The following TBC1D23 variants were observed in gnomAD, a reference collection of about 807,000 sequenced individuals.
TBC1D23 encodes the protein HCV non-structural protein 4A-transactivated protein 1.
TBC1D23 carries 55 observed loss-of-function variants against 91.4 expected under a neutral mutation model. The observed-to-expected ratio is 0.60, with a 90% CI of 0.48 to 0.75. The LOEUF (loss-of-function observed/expected upper bound fraction) is 0.75, where lower values mean the gene tolerates loss of function less well. Among genes scored for constraint, TBC1D23 ranks in the 30% least tolerant of loss-of-function variants. The probability of loss-of-function intolerance (pLI) is 0.00; values close to 1 mark genes in which losing one functional copy is unlikely to be tolerated. For synonymous variants in TBC1D23, 289 were observed against 281.0 expected, an observed-to-expected ratio of 1.03 and a Z score of -0.28; for missense variants, 725 against 836.1, an observed-to-expected ratio of 0.87 and a Z score of 1.64.
chr3:100,316,431 T>C (rs1353699898), intron 16 of TBC1D23, among the ~76,000 whole-genome samples: 1 of 151,990 alleles, frequency 6.6e-6, no homozygotes, highest in Non-Finnish European at 1.5e-5. Flanking sequence ...GTTGTGCGCA[T>C]GTACCCTAAA....
intron 11 of TBC1D23, among the ~76,000 whole-genome samples, 190 bp downstream of exon 11, chr3:100,302,427 T>C (rs1386236790): frequency 6.6e-6 from 1 of 152,182 alleles, no homozygotes; most frequent in Non-Finnish European, 1.5e-5. Flanking sequence ...CATCTGGCAT[T>C]TATTTTGTGT....
chr3:100,316,090 T>G lies in TBC1D23; in HGVS notation c.1599-9T>G, dbSNP rs1705739351. The stretch of plus-strand genomic sequence containing the variant: ...TGATTATTTCTCTCCTAAAATTCTT[T>G]GAATATAGGCATGTGAGCAGCAGTG... On this transcript the variant is annotated splice_polypyrimidine_tract_variant and intron_variant, in intron 15 of 18. Transcript: ENST00000394144. 6.2e-7 allele frequency: 1 copy of G among 1,607,016 alleles called. No individual in the cohort carries two copies. Among genetic ancestry groups the G allele is most frequent in the African/African-American group, 1.3e-5 (1 of 74,766 alleles).
At chr3:100,267,844 T>A (rs1053244275) in intron 1 of TBC1D23, among the ~76,000 whole-genome samples, 4 of 152,178 alleles carry the variant, frequency 2.6e-5, no homozygotes, top group African/African-American at 9.7e-5. Context: ...ATTAATAACA[T>A]CTCATTTGGA....
In TBC1D23 at chr3:100,320,781, C is replaced by A; in HGVS notation, c.1828C>A (p.Leu610Met). Residue 610 changes from leucine to methionine, a missense_variant, in exon 18 of 19, where the codon CTG becomes ATG. Leu to Met is a conservative substitution (Grantham distance 15). Coordinates refer to ENST00000394144, the MANE Select transcript of TBC1D23 (RefSeq NM_001199198.3). ...KESGHMFPSH[L>M]LVTATHMYCL... is the part of the protein sequence containing the mutation. ...TAATGCTTTTTTTGTCTCAAGTCAT[C>A]TGTTGGTTACTGCAACACATATGTA... 6.8e-7 allele frequency: 1 copy of A among 1,462,432 alleles called. No individual in the cohort carries two copies. Among genetic ancestry groups the A allele is most frequent in the Non-Finnish European group, 9.1e-7 (1 of 1,103,244 alleles). 90.6% of individuals were successfully genotyped at this position (1,462,432 alleles called of 1,614,324 possible). A position where few individuals can be genotyped will look rare whatever the true frequency, so the allele number is the denominator to read the frequency against.
chr3:100,302,638 G>A (rs1478561802), intron 11 of TBC1D23, among the ~76,000 whole-genome samples: 18 of 152,202 alleles, frequency 1.2e-4, no homozygotes, highest in African/African-American at 3.9e-4. Context: ...CCAGGCTGGA[G>A]TGCAGTGGCG....
At chr3:100,276,290 A>G (rs1489280891) in intron 1 of TBC1D23, among the ~76,000 whole-genome samples, 1 of 151,718 alleles carries the variant, frequency 6.6e-6, no homozygotes, top group East Asian at 1.9e-4. Flanking sequence ...ATTTCCTATA[A>G]TATATATTAT....
intron 15 of TBC1D23, among the ~76,000 whole-genome samples, chr3:100,314,910 T>C (rs1170202985): frequency 2.0e-5 from 3 of 152,216 alleles, no homozygotes; most frequent in Non-Finnish European, 4.4e-5. Flanking sequence ...GCTAGAGTCT[T>C]CCTTTGTAGT....
rs1483201402 is a variant in TBC1D23 at position 100,297,959 on chromosome 3, A to G, written c.913A>G (p.Ile305Val). Residue 305 changes from isoleucine (I) to valine (V), a missense_variant, in exon 9 of 19, where the codon ATT (isoleucine) becomes GTT (valine). Transcript: ENST00000394144. Reference sequence around the variant, plus strand: ...TCTCTTTGGTAGTACTTTGTTGGGAATTAAGGATGATGATGCAGATCTGAG... The same window carrying G: ...TCTCTTTGGTAGTACTTTGTTGGGAGTTAAGGATGATGATGCAGATCTGAG... ...HHLFGSTLLG[I>V]KDDDADLSQA... The G allele has an allele frequency of 6.2e-7, 1 of 1,612,566 alleles. No homozygotes were observed. Among genetic ancestry groups the G allele is most frequent in the East Asian group, 2.2e-5 (1 of 44,836 alleles).
intron 4 of TBC1D23, among the ~76,000 whole-genome samples, chr3:100,284,493 T>C (rs1017205216): frequency 5.3e-5 from 8 of 152,172 alleles, no homozygotes; most frequent in South Asian, 2.1e-4. Context: ...CCTAGAAATA[T>C]AGGCATTGAA....
At chr3:100,295,537 T>G (rs145390297) in intron 7 of TBC1D23, among the ~76,000 whole-genome samples, 189 bp downstream of exon 7, 44 of 152,326 alleles carry the variant, frequency 2.9e-4, no homozygotes, top group African/African-American at 9.1e-4. Flanking sequence ...GCCATCTTCA[T>G]TCATTCCTTC....
At chr3:100,290,926 G>A (rs1195811976) in intron 5 of TBC1D23, among the ~76,000 whole-genome samples, 1 of 151,962 alleles carries the variant, frequency 6.6e-6, no homozygotes, top group African/African-American at 2.4e-5. Flanking sequence ...TGTTTTACAT[G>A]TATGTGTAAA....
chr3:100,304,439 C>G (rs1705483669), intron 11 of TBC1D23, among the ~76,000 whole-genome samples: 1 of 151,922 alleles, frequency 6.6e-6, no homozygotes, highest in African/African-American at 2.4e-5. Context: ...GTAACATTCC[C>G]TTATTTCTTC....
At chr3:100,278,006 G>A (rs140031300) in intron 1 of TBC1D23, among the ~76,000 whole-genome samples, 2 of 152,246 alleles carry the variant, frequency 1.3e-5, no homozygotes, top group East Asian at 1.9e-4. Flanking sequence ...TTTCAAATTC[G>A]ATGAGTACTT....
At chr3:100,275,015 C>T (rs1445836681) in intron 1 of TBC1D23, among the ~76,000 whole-genome samples, 1 of 150,582 alleles carries the variant, frequency 6.6e-6, no homozygotes, top group East Asian at 2.0e-4. Context: ...CTCTTTCAGA[C>T]TCTGCCTTCA....
intron 3 of TBC1D23, 126 bp from the exon 4 acceptor site, chr3:100,283,481 T>C: frequency 1.6e-6 from 1 of 625,082 alleles, no homozygotes; most frequent in East Asian, 2.7e-5. Context: ...TATACTTTCA[T>C]GTAGTTTCAC....
intron 1 of TBC1D23, 129 bp from the exon 2 acceptor site, chr3:100,279,520 A>T (rs1009031761): frequency 5.2e-6 from 3 of 580,420 alleles, no homozygotes; most frequent in African/African-American, 1.9e-5. Flanking sequence ...ATACCTTGGC[A>T]TTACATTTTG....
At chr3:100,296,937 T>C (rs2067847086) in intron 8 of TBC1D23, among the ~76,000 whole-genome samples, 2 of 151,370 alleles carry the variant, frequency 1.3e-5, no homozygotes, top group African/African-American at 4.9e-5. Flanking sequence ...TTCTCTGGAG[T>C]TCAGGCTTGT....
At chr3:100,289,139 G>A (rs2148857926) in intron 4 of TBC1D23, among the ~76,000 whole-genome samples, 1 of 152,000 alleles carries the variant, frequency 6.6e-6, no homozygotes, top group Non-Finnish European at 1.5e-5. Context: ...TTTGAGCCCA[G>A]GACGCAAAGA....
chr3:100,312,235 A>G (rs1411879124), intron 15 of TBC1D23, among the ~76,000 whole-genome samples: 1 of 152,200 alleles, frequency 6.6e-6, no homozygotes, highest in Non-Finnish European at 1.5e-5. Flanking sequence ...ATTTGCTTCT[A>G]TCTCCCGCCT....
Sources: allele counts gnomAD v4.1 joint callset (sites outside exome capture counted in the v4.1 genomes callset), GRCh38; gene constraint gnomAD v4.1.1; transcripts MANE v1.5; gene names NCBI Gene and HGNC (gene_info 2026-07-23, HGNC 2026-07-21).